RTL4: variants seen among roughly 807,000 people sequenced by gnomAD.
RTL4 encodes retrotransposon Gag-like protein 4.
In RTL4, 4 loss-of-function variants were observed where a neutral mutation model predicts 5.3. The observed-to-expected ratio is 0.75, with a 90% CI of 0.37 to 1.72. RTL4 has a LOEUF of 1.72. Ranked by LOEUF, RTL4 falls within the 40% of genes most tolerant of loss-of-function variation. The probability of loss-of-function intolerance (pLI) is 0.04; values close to 1 mark genes in which losing one functional copy is unlikely to be tolerated. For synonymous variants in RTL4, 98 were observed against 87.3 expected (o/e 1.12, Z -0.68); for missense variants, 260 against 227.1 (o/e 1.14, Z -0.93).
At chrX:112,398,430 C>T in the RTL4 span, among the ~76,000 whole-genome samples, 3 of 83,994 alleles carry the variant, frequency 3.6e-5, no homozygotes, top group Non-Finnish European at 6.5e-5. Flanking sequence ...GACAGAGTCT[C>T]CCTCTGTCGC....
At chrX:112,337,296 T>C in the RTL4 span, among the ~76,000 whole-genome samples, 2 of 112,013 alleles carry the variant, frequency 1.8e-5, no homozygotes, top group East Asian at 5.6e-4. Flanking sequence ...TTTTAATTTA[T>C]TTTTGGGGAT....
At chrX:112,233,978 G>T in the RTL4 span, among the ~76,000 whole-genome samples, 2 of 110,745 alleles carry the variant, frequency 1.8e-5, no homozygotes, top group Non-Finnish European at 3.8e-5. Flanking sequence ...AGATCGCAAG[G>T]TCAGGAGATT....
At chrX:112,119,607 G>A in the RTL4 span, among the ~76,000 whole-genome samples, 2 of 111,803 alleles carry the variant, frequency 1.8e-5, no homozygotes, top group Non-Finnish European at 3.8e-5. Flanking sequence ...CATTATAAAT[G>A]TTAGAGTATT....
chrX:112,332,332 G>GTA, the RTL4 span, among the ~76,000 whole-genome samples: 1 of 110,441 alleles, frequency 9.1e-6, no homozygotes, highest in Non-Finnish European at 1.9e-5. Context: ...CCATTACTGG[G>GTA]TATATACCCA....
At chrX:112,325,580 G>A in the RTL4 span, among the ~76,000 whole-genome samples, 2 of 112,050 alleles carry the variant, frequency 1.8e-5, no homozygotes, top group Admixed American at 1.9e-4. Flanking sequence ...AATGGTGCTG[G>A]GAAAACTGGC....
chrX:112,144,487 G>C, the RTL4 span, among the ~76,000 whole-genome samples: 1 of 111,104 alleles, frequency 9.0e-6, no homozygotes, highest in Non-Finnish European at 1.9e-5. Context: ...CATGTATGGG[G>C]ATCATACTTT....
At chrX:112,274,997 T>C in the RTL4 span, among the ~76,000 whole-genome samples, 2 of 110,829 alleles carry the variant, frequency 1.8e-5, no homozygotes, top group African/African-American at 6.6e-5. Flanking sequence ...ATCCCCACTT[T>C]ATAGACAATA....
the RTL4 span, among the ~76,000 whole-genome samples, chrX:112,220,612 T>C: frequency 3.5e-5 from 4 of 112,921 alleles, no homozygotes; most frequent in Admixed American, 2.8e-4. Context: ...TCTATTGCAT[T>C]GTCAGGCTGC....
chrX:112,305,839 G>A, the RTL4 span, among the ~76,000 whole-genome samples: 1 of 112,038 alleles, frequency 8.9e-6, no homozygotes, highest in Non-Finnish European at 1.9e-5. Context: ...TCTTTGCGAA[G>A]CTGCACTAGA....
the RTL4 span, among the ~76,000 whole-genome samples, chrX:112,295,994 ACT>A: frequency 9.0e-6 from 1 of 111,264 alleles, no homozygotes; most frequent in Non-Finnish European, 1.9e-5. Context: ...ACTAAAATGA[ACT>A]CTCTGCCTAT....
At chrX:112,456,403 G>A in exon 1 of RTL4, 2 of 308,544 alleles carry the variant, frequency 6.5e-6, no homozygotes, top group Non-Finnish European at 1.2e-5. Flanking sequence ...AGCCCATCAG[G>A]CAGGTGTATG....
At chrX:112,324,892 C>T in the RTL4 span, among the ~76,000 whole-genome samples, 1 of 111,407 alleles carries the variant, frequency 9.0e-6, no homozygotes, top group East Asian at 2.8e-4. Context: ...CCTAAATATT[C>T]TATTTTTGTT....
chrX:112,312,324 T>A, the RTL4 span, among the ~76,000 whole-genome samples: 1 of 111,818 alleles, frequency 8.9e-6, no homozygotes, highest in Non-Finnish European at 1.9e-5. Context: ...TGCTAACAGA[T>A]AAATGACAGC....
chrX:112,328,587 T>A, the RTL4 span, among the ~76,000 whole-genome samples: 1 of 111,361 alleles, frequency 9.0e-6, no homozygotes, highest in African/African-American at 3.3e-5. Flanking sequence ...CTGTCAACAT[T>A]AGACAGATCA....
chrX:112,145,173 A>T, the RTL4 span, among the ~76,000 whole-genome samples: 1 of 111,975 alleles, frequency 8.9e-6, no homozygotes, highest in Non-Finnish European at 1.9e-5. Flanking sequence ...CACTAGTTGG[A>T]ATACCTCAAT....
the RTL4 span, among the ~76,000 whole-genome samples, chrX:112,345,593 C>T: frequency 6.5e-4 from 72 of 111,398 alleles, no homozygotes; most frequent in Middle Eastern, 4.6e-3. Context: ...TGACCTATAC[C>T]TCTCCCTATG....
chrX:112,402,775 G>A, the RTL4 span, among the ~76,000 whole-genome samples: 4 of 111,085 alleles, frequency 3.6e-5, no homozygotes, highest in Non-Finnish European at 7.5e-5. Context: ...GAGAGAAAGC[G>A]AAAGATGACA....
chrX:112,210,369 T>C, the RTL4 span, among the ~76,000 whole-genome samples: 1 of 112,025 alleles, frequency 8.9e-6, no homozygotes, highest in African/African-American at 3.2e-5. Context: ...AAAATGAGAA[T>C]AGTAATAGCA....
At chrX:112,192,152 T>C in the RTL4 span, among the ~76,000 whole-genome samples, 1 of 108,613 alleles carries the variant, frequency 9.2e-6, no homozygotes, top group Non-Finnish European at 1.9e-5. Flanking sequence ...TAATAGGTTT[T>C]TTTTTGTGGA....
Sources: gnomAD v4.1 joint callset for allele counts (sites outside exome capture counted in the v4.1 genomes callset) on GRCh38, gnomAD v4.1.1 for gene constraint, MANE v1.5 for transcripts, NCBI Gene and HGNC (gene_info 2026-07-23, HGNC 2026-07-21) for gene names.